CPT1A: variants seen among roughly 807,000 people sequenced by gnomAD.
CPT1A encodes the protein carnitine O-palmitoyltransferase 1, liver isoform.
Under a neutral mutation model 100.8 loss-of-function variants are expected in CPT1A, and 64 were observed. The observed-to-expected ratio is 0.63, with a 90% CI of 0.52 to 0.78. CPT1A has a LOEUF of 0.78. CPT1A is among the 30% of genes least tolerant of loss of function. The probability of loss-of-function intolerance (pLI) is 0.00; values close to 1 mark genes in which losing one functional copy is unlikely to be tolerated. For missense variants in CPT1A, 802 were observed against 1,034.1 expected, an observed-to-expected ratio of 0.78 and a Z score of 3.08; for synonymous variants, 363 against 396.0, an observed-to-expected ratio of 0.92 and a Z score of 0.99.
chr11:68,777,948 T>C (rs1487301867), intron 12 of CPT1A, among the ~76,000 whole-genome samples: 1 of 152,208 alleles, frequency 6.6e-6, no homozygotes, highest in Non-Finnish European at 1.5e-5. Context: ...GCTCTGTAGC[T>C]AAAAGGCTCT....
At chr11:68,789,419 C>T (rs560442875) in intron 9 of CPT1A, among the ~76,000 whole-genome samples, 1 of 150,994 alleles carries the variant, frequency 6.6e-6, no homozygotes, top group African/African-American at 2.4e-5. Flanking sequence ...TTTTTTTTGA[C>T]AGGGTCTTGC....
intron 1 of CPT1A, among the ~76,000 whole-genome samples, chr11:68,824,825 G>A (rs974766398): frequency 2.4e-5 from 3 of 127,540 alleles, no homozygotes; most frequent in East Asian, 4.4e-4. Context: ...AGACTGTTGA[G>A]TCTTGCTCTG....
At chr11:68,782,030 A>G (rs1855327862) in intron 10 of CPT1A, 71 bp from the exon 11 acceptor site, 1 of 1,386,944 alleles carries the variant, frequency 7.2e-7, no homozygotes, top group South Asian at 1.2e-5. Context: ...TTGAAATGAC[A>G]CAATCAAACC....
rs1946686577 is a variant in CPT1A at position 68,756,009 on chromosome 11, G to A, written c.*1635C>T. 6.6e-6 allele frequency: 1 copy of A among 151,156 alleles called. No homozygotes were observed. The highest frequency in any genetic ancestry group is 1.5e-5 in the Non-Finnish European group (1 of 67,952). 9.4% of individuals were successfully genotyped at this position (151,156 alleles called of 1,614,324 possible). A position where few individuals can be genotyped will look rare whatever the true frequency, so the allele number is the denominator to read the frequency against. On this transcript the variant is annotated 3_prime_UTR_variant, in exon 19 of 19. Coordinates refer to ENST00000265641, the MANE Select transcript of CPT1A (RefSeq NM_001876.4). ...GGCGTGTAATCCCAGCTACTTGGGA[G>A]GCTGAGACAGGAGAATCGCTTGAAC...
chr11:68,799,455 G>A lies in CPT1A; in HGVS notation c.556-100C>T, dbSNP rs572490338. 6.6e-5 allele frequency: 90 copies of A among 1,370,044 alleles called. No individual in the cohort carries two copies. The African/African-American group carries it at 1.2e-3, about 18-fold the overall frequency. 84.9% of individuals were successfully genotyped at this position (1,370,044 alleles called of 1,614,324 possible). A position where few individuals can be genotyped will look rare whatever the true frequency, so the allele number is the denominator to read the frequency against. On this transcript the variant is annotated intron_variant, in intron 5 of 18. Transcript: ENST00000265641. ...GCCTTAGGAAAAGTTCTAACACATTGAAAAGGTTTTAGGCTGGGCATGGTG... is the reference window on the plus strand; with the variant it reads ...GCCTTAGGAAAAGTTCTAACACATTAAAAAGGTTTTAGGCTGGGCATGGTG...
At chr11:68,820,498 C>A (rs2154001810) in intron 1 of CPT1A, among the ~76,000 whole-genome samples, 1 of 152,010 alleles carries the variant, frequency 6.6e-6, no homozygotes, top group African/African-American at 2.4e-5. Context: ...GCCTGGCCAA[C>A]ATGGCGAAAC....
intron 1 of CPT1A, among the ~76,000 whole-genome samples, chr11:68,838,300 C>T (rs920258424): frequency 6.6e-5 from 10 of 151,924 alleles, no homozygotes; most frequent in South Asian, 6.2e-4. Flanking sequence ...CTTCTGAGGC[C>T]GTCAAGATAC....
chr11:68,793,212 AG>A, intron 9 of CPT1A, 102 bp downstream of exon 9: 1 of 748,198 alleles, frequency 1.3e-6, no homozygotes, highest in South Asian at 1.8e-5. Context: ...AATCTCAGGA[AG>A]GGTCAGCAAA....
rs778588919 is a variant in CPT1A, at chr11:68,796,843, CG to C, written c.771+12del. On this transcript the variant is annotated intron_variant, in intron 7 of 18. Coordinates refer to ENST00000265641, the MANE Select transcript of CPT1A (RefSeq NM_001876.4). Reference sequence around the variant, plus strand: ...CGTCCTCGTCAGACAGCAGCCCGGGCGGGTGGACTCACCATGGCATAATAGT... The same window carrying C: ...CGTCCTCGTCAGACAGCAGCCCGGGCGGTGGACTCACCATGGCATAATAGT... 45 of 1,613,066 alleles carry C rather than the reference CG, an allele frequency of 2.8e-5. No homozygotes were observed. Among genetic ancestry groups the C allele is most frequent in the Non-Finnish European group, 3.6e-5 (43 of 1,179,516 alleles).
intron 7 of CPT1A, among the ~76,000 whole-genome samples, chr11:68,796,010 A>G (rs867163596): frequency 3.8e-4 from 58 of 152,302 alleles, no homozygotes; most frequent in Middle Eastern, 6.8e-3. Flanking sequence ...GAAGAGTTCT[A>G]TTTGCCAGTT....
At chr11:68,816,881 ATATG>A (rs1402174702) in intron 1 of CPT1A, among the ~76,000 whole-genome samples, 3 of 100,960 alleles carry the variant, frequency 3.0e-5, no homozygotes, top group African/African-American at 4.0e-5. Context: ...GTACATGTGT[ATATG>A]TGTGTGTGGT....
At chr11:68,811,414 ATG>A (rs1339303358) in intron 3 of CPT1A, among the ~76,000 whole-genome samples, 1 of 152,160 alleles carries the variant, frequency 6.6e-6, no homozygotes, top group Non-Finnish European at 1.5e-5. Context: ...CGAAAGTAAA[ATG>A]TGTGTCCAAG....
intron 11 of CPT1A, 109 bp downstream of exon 11, chr11:68,781,662 C>T (rs965369751): frequency 2.1e-6 from 2 of 969,932 alleles, no homozygotes; most frequent in Non-Finnish European, 3.3e-6. Flanking sequence ...ATTTTTATGC[C>T]ACCTTCTTTC....
chr11:68,773,243 A>G lies in CPT1A; in HGVS notation c.1740+22T>C, dbSNP rs759073280. 1.9e-6 allele frequency: 3 copies of G among 1,612,760 alleles called. 1 individual carries two copies. The South Asian group carries it at 3.3e-5, about 18-fold the overall frequency. On this transcript the variant is annotated intron_variant, in intron 14 of 18. Coordinates refer to ENST00000265641, the MANE Select transcript of CPT1A (RefSeq NM_001876.4). ...GAACCCCCAAAGTGCTCACGACAAA[A>G]CCCTAGGCGGTCAGTTCTTACCTTG...
intron 3 of CPT1A, among the ~76,000 whole-genome samples, chr11:68,811,566 GC>G (rs1856209089): frequency 6.6e-6 from 1 of 152,172 alleles, no homozygotes; most frequent in African/African-American, 2.4e-5. Context: ...GGACCTCAGT[GC>G]TACACTGAAG....
rs1332899967 is a variant in CPT1A at position 68,841,862 on chromosome 11, G to T, written c.-101C>A. ...GTGAACGAGCGGCGAGCGGGAGCCG[G>T]GGAAGGAGGGCCGCGGGCGAGGCCG... On this transcript the variant is annotated 5_prime_UTR_variant, in exon 1 of 19. Coordinates refer to ENST00000265641, the MANE Select transcript of CPT1A (RefSeq NM_001876.4). This position sits in a 1 kb window ranked among gnomAD's most constrained non-coding sequence, Gnocchi z 6.3. 9.1e-6 allele frequency: 9 copies of T among 992,706 alleles called. No homozygotes were observed. The African/African-American group carries it at 1.6e-4, about 17-fold the overall frequency. The allele number at this position is 992,706 out of a possible 1,614,324, so 61.5% of individuals were successfully genotyped here. A position where few individuals can be genotyped will look rare whatever the true frequency, so the allele number is the denominator to read the frequency against.
intron 1 of CPT1A, among the ~76,000 whole-genome samples, chr11:68,828,694 T>C (rs1451403245): frequency 6.6e-6 from 1 of 152,104 alleles, no homozygotes; most frequent in Admixed American, 6.6e-5. Context: ...TTCCTGAGGC[T>C]GTAGTGAGGA....
intron 14 of CPT1A, among the ~76,000 whole-genome samples, chr11:68,772,033 C>G (rs371913601): frequency 6.6e-6 from 1 of 152,194 alleles, no homozygotes; most frequent in Non-Finnish European, 1.5e-5. Context: ...CAGTGCCACA[C>G]GCTGCATATG....
At position 68,840,891 on chromosome 11, in the gene CPT1A, G is replaced by A. The variant is rs1259868928; in HGVS notation, c.-14+884C>T. Among the ~76,000 whole-genome samples, 4 of 152,280 alleles carry A rather than the reference G, an allele frequency of 2.6e-5. No individual in the cohort carries two copies. The East Asian group carries it at 7.8e-4, about 30-fold the overall frequency. On this transcript the variant is annotated intron_variant, in intron 1 of 18. Transcript: ENST00000265641. Reference sequence around the variant, plus strand: ...CCACGTGACACCCCCACCCTCCCGCGGCCCCGCCGCTCCCAGCCCGGCACG... The same window carrying A: ...CCACGTGACACCCCCACCCTCCCGCAGCCCCGCCGCTCCCAGCCCGGCACG...
Sources: allele counts gnomAD v4.1 joint callset (sites outside exome capture counted in the v4.1 genomes callset), GRCh38; gene constraint gnomAD v4.1.1; non-coding constraint Gnocchi (gnomAD v3.1); transcripts MANE v1.5; gene names NCBI Gene and HGNC (gene_info 2026-07-23, HGNC 2026-07-21).